Variants in NEDD9 observed in about 807,000 individuals in gnomAD.
NEDD9 encodes enhancer of filamentation 1.
NEDD9 carries 26 observed loss-of-function variants against 76.6 expected under a neutral mutation model. The ratio of observed to expected loss-of-function variants is 0.34; its 90% CI spans 0.25 to 0.47. The LOEUF (loss-of-function observed/expected upper bound fraction) is 0.47, where lower values mean the gene tolerates loss of function less well. Among genes scored for constraint, NEDD9 ranks in the 20% least tolerant of loss-of-function variants. The pLI is 1.00. For missense variants in NEDD9, 937 were observed against 1,058.5 expected, an observed-to-expected ratio of 0.89 and a Z score of 1.59; for synonymous variants, 392 against 414.2, an observed-to-expected ratio of 0.95 and a Z score of 0.65.
At chr6:11,314,981 C>T (rs1215804342) in intron 2 of NEDD9, among the ~76,000 whole-genome samples, 1 of 152,192 alleles carries the variant, frequency 6.6e-6, no homozygotes, top group Non-Finnish European at 1.5e-5. Context: ...GTGAAGCTCT[C>T]TGGTTAGCTT....
rs566406878 is a variant in NEDD9 at position 11,323,179 on chromosome 6, G to A, written c.-153+11322C>T. Among the ~76,000 whole-genome samples the A allele has an allele frequency of 2.6e-5, 4 of 152,316 alleles. No homozygotes were observed. In the East Asian group the frequency reaches 7.7e-4, roughly 29 times the overall value. On this transcript the variant is annotated intron_variant, in intron 2 of 3. Transcript: ENST00000397378. The stretch of plus-strand genomic sequence containing the variant: ...CTCACAAAAATCTTTGTAGGCCTCA[G>A]GATATATATATTTTGCAGTGACTTT...
chr6:11,314,014 T>C (rs1761465136), intron 2 of NEDD9, among the ~76,000 whole-genome samples: 1 of 152,200 alleles, frequency 6.6e-6, no homozygotes, highest in South Asian at 2.1e-4. Flanking sequence ...ATAAAATTTA[T>C]TTTTTTCTAG....
intron 3 of NEDD9, among the ~76,000 whole-genome samples, chr6:11,268,725 T>TCACACA (rs112345199): frequency 3.7e-5 from 5 of 135,162 alleles, no homozygotes; most frequent in Non-Finnish European, 6.5e-5. Context: ...CGAAGCTCCA[T>TCACACA]CACACACACA....
At chr6:11,195,812 T>C (rs925998774) in intron 2 of NEDD9, among the ~76,000 whole-genome samples, 21 of 151,660 alleles carry the variant, frequency 1.4e-4, no homozygotes, top group Admixed American at 1.2e-3. Flanking sequence ...CTGGCCAACA[T>C]GGTGAAACTC....
intron 3 of NEDD9, among the ~76,000 whole-genome samples, chr6:11,269,591 T>A (rs183214943): frequency 1.3e-5 from 2 of 149,464 alleles, no homozygotes; most frequent in African/African-American, 2.4e-5. Context: ...AATAACTCTT[T>A]TTTTTTCTTT....
upstream of NEDD9, among the ~76,000 whole-genome samples, chr6:11,236,329 C>G (rs939196698): frequency 3.3e-5 from 5 of 152,194 alleles, no homozygotes; most frequent in Non-Finnish European, 7.4e-5. This position sits in a 1 kb window ranked among gnomAD's most constrained non-coding sequence, Gnocchi z 5.5. Flanking sequence ...ACTCTTCCTT[C>G]CAGATGCTTG....
Position 11,242,165 on chromosome 6 carries a change from A to G in NEDD9, c.13-28438T>C, listed in dbSNP as rs77874167. Among the ~76,000 whole-genome samples, 144 of 152,242 alleles carry G rather than the reference A, an allele frequency of 9.5e-4. 4 individuals are homozygous for G. In the East Asian group the frequency reaches 0.025, roughly 27 times the overall value. On this transcript the variant is annotated intron_variant, in intron 3 of 3. Transcript: ENST00000397378. The stretch of plus-strand genomic sequence containing the variant: ...ATGGACGGAGCATTCCTTTCTGCCC[A>G]CTGAGCCCGGAAATAAAGAGCAGCT...
At chr6:11,325,354 C>CA (rs34414648) in intron 2 of NEDD9, among the ~76,000 whole-genome samples, 22,165 of 92,380 alleles carry the variant, frequency 0.24, 2,289 homozygotes, top group African/African-American at 0.4. Flanking sequence ...GACTCTGTCT[C>CA]AAAAAAAAAA....
intron 3 of NEDD9, among the ~76,000 whole-genome samples, chr6:11,299,912 C>T (rs1296339495): frequency 1.3e-5 from 2 of 152,180 alleles, no homozygotes; most frequent in Non-Finnish European, 2.9e-5. Flanking sequence ...GAAACCAGAG[C>T]AGAAAAGCTG....
chr6:11,265,692 A>G (rs937848462), intron 3 of NEDD9, among the ~76,000 whole-genome samples: 3 of 152,226 alleles, frequency 2.0e-5, no homozygotes, highest in African/African-American at 7.2e-5. Flanking sequence ...GGTACAGATG[A>G]AATGTGTTTA....
chr6:11,185,742 G>T (rs138018328), intron 6 of NEDD9, 71 bp from the exon 7 acceptor site: 2 of 1,554,942 alleles, frequency 1.3e-6, no homozygotes, highest in East Asian at 4.6e-5. Context: ...ACTAGGCCTT[G>T]GAGTTAAAAG....
In NEDD9 at chr6:11,343,900, G is replaced by A. The variant is rs192305188; in HGVS notation, c.-213-9339C>T. Among the ~76,000 whole-genome samples, 264 of 152,264 alleles carry A rather than the reference G, an allele frequency of 1.7e-3. 1 individual carries two copies. Among genetic ancestry groups the A allele is most frequent in the African/African-American group, 6.1e-3 (252 of 41,550 alleles). On this transcript the variant is annotated intron_variant, in intron 1 of 3. Transcript: ENST00000397378. ...GGCCAGCAGTTGGCATGCTATGTGAGGTGCTTCATCTAGGCTCTTGGGTGA... is the reference window on the plus strand; with the variant it reads ...GGCCAGCAGTTGGCATGCTATGTGAAGTGCTTCATCTAGGCTCTTGGGTGA...
intron 3 of NEDD9, among the ~76,000 whole-genome samples, chr6:11,239,763 A>G (rs1759674467): frequency 6.6e-6 from 1 of 152,052 alleles, no homozygotes; most frequent in Non-Finnish European, 1.5e-5. Context: ...AAAAAATAAT[A>G]GGCCAGGCAC....
intron 1 of NEDD9, among the ~76,000 whole-genome samples, chr6:11,351,758 T>C (rs1762476818): frequency 1.3e-5 from 2 of 152,244 alleles, no homozygotes; most frequent in Admixed American, 1.3e-4. Flanking sequence ...CCTGTTTCTC[T>C]GGTTCTTCAT....
At chr6:11,360,146 C>T (rs1000184852) in intron 1 of NEDD9, among the ~76,000 whole-genome samples, 4 of 152,106 alleles carry the variant, frequency 2.6e-5, no homozygotes, top group Admixed American at 1.3e-4. Context: ...GCTATTGGAA[C>T]GAGGCTCAGT....
chr6:11,318,207 A>C (rs1029145575), intron 2 of NEDD9, among the ~76,000 whole-genome samples: 1 of 152,204 alleles, frequency 6.6e-6, no homozygotes, highest in African/African-American at 2.4e-5. Flanking sequence ...CTCATTCTGC[A>C]GATCTTGGGA....
rs371884906 is a variant in NEDD9, at chr6:11,213,402, T to G, written c.338A>C (p.Gln113Pro). The change falls in exon 2 of 7, where the codon CAA becomes CCA. Residue 113 changes from glutamine to proline, a missense_variant. By Grantham distance (76) the Gln-to-Pro change is moderately conservative (BLOSUM62 -1). Coordinates refer to ENST00000379446, the MANE Select transcript of NEDD9 (RefSeq NM_006403.4). The surrounding 1 kb of genome is among the most constrained non-coding windows in gnomAD (Gnocchi z 5.4). ...DTIYQVPPSY[Q>P]NQGIYQVPTG... Reference sequence around the variant, plus strand: ...GGGGACTTGGTAAATTCCCTGATTTTGGTAGGAAGGTGGCACTTGGTAGAT... The same window carrying G: ...GGGGACTTGGTAAATTCCCTGATTTGGGTAGGAAGGTGGCACTTGGTAGAT... 6.2e-6 allele frequency: 10 copies of G among 1,613,820 alleles called. No individual in the cohort carries two copies. The African/African-American group carries it at 1.2e-4, about 19-fold the overall frequency.
upstream of NEDD9, chr6:11,233,360 G>A (rs777113186): frequency 7.7e-6 from 4 of 518,958 alleles, no homozygotes; most frequent in Admixed American, 1.9e-5. Flanking sequence ...TCAGAGTTGC[G>A]GGTCACACAT....
intron 3 of NEDD9, among the ~76,000 whole-genome samples, chr6:11,266,360 A>T (rs9461592): frequency 0.019 from 2,933 of 152,138 alleles, 88 homozygotes; most frequent in African/African-American, 0.067. Flanking sequence ...ATCTAGTAGC[A>T]TCTGGGGATG....
Sources: allele counts gnomAD v4.1 joint callset (sites outside exome capture counted in the v4.1 genomes callset), GRCh38; gene constraint gnomAD v4.1.1; non-coding constraint Gnocchi (gnomAD v3.1); transcripts MANE v1.5; gene names NCBI Gene and HGNC (gene_info 2026-07-23, HGNC 2026-07-21).